MTUS2: variants seen among roughly 807,000 people sequenced by gnomAD.
The protein encoded by MTUS2 is microtubule-associated tumor suppressor candidate 2.
A neutral mutation model predicts 114.1 loss-of-function variants in MTUS2; 40 were observed. That is an observed-to-expected ratio of 0.35 (90% CI 0.27 to 0.46). The LOEUF (loss-of-function observed/expected upper bound fraction) is 0.46. Among genes scored for constraint, MTUS2 ranks in the 20% least tolerant of loss-of-function variants. The pLI, the probability that MTUS2 is intolerant of heterozygous loss-of-function variation, is 1.00. For synonymous variants in MTUS2, 688 were observed against 672.0 expected (o/e 1.02, Z -0.37); for missense variants, 1,679 against 1,705.4 (o/e 0.98, Z 0.27).
intron 6 of MTUS2, among the ~76,000 whole-genome samples, chr13:29,290,852 C>A (rs1898681753): frequency 6.6e-6 from 1 of 152,186 alleles, no homozygotes; most frequent in African/African-American, 2.4e-5. Flanking sequence ...TACTCATCCC[C>A]AAATCCTTAG....
At chr13:29,262,236 C>A (rs1897500947) in intron 5 of MTUS2, among the ~76,000 whole-genome samples, 2 of 152,208 alleles carry the variant, frequency 1.3e-5, no homozygotes, top group South Asian at 4.1e-4. Flanking sequence ...CACAGGGAAA[C>A]TGAATCATAG....
chr13:28,870,429 A>G (rs1389857543), intron 2 of MTUS2, among the ~76,000 whole-genome samples: 2 of 152,132 alleles, frequency 1.3e-5, no homozygotes, highest in African/African-American at 4.8e-5. Context: ...AAGGAGACCC[A>G]TTGGAGTGGG....
chr13:29,461,205 AG>A (rs1208983500), intron 9 of MTUS2, among the ~76,000 whole-genome samples: 1 of 151,878 alleles, frequency 6.6e-6, no homozygotes, highest in Non-Finnish European at 1.5e-5. Context: ...AGAGAAGGGA[AG>A]GGGGGGTGAA....
chr13:29,366,615 G>A (rs1870737139), intron 8 of MTUS2, among the ~76,000 whole-genome samples: 1 of 152,148 alleles, frequency 6.6e-6, no homozygotes. Context: ...AGCATACCTG[G>A]TATGGGACCA....
At chr13:29,427,586 C>T (rs1372766547) in intron 8 of MTUS2, among the ~76,000 whole-genome samples, 3 of 152,170 alleles carry the variant, frequency 2.0e-5, no homozygotes, top group Non-Finnish European at 1.5e-5. Context: ...AGAAAGGTTT[C>T]CGTTTATTCT....
intron 5 of MTUS2, among the ~76,000 whole-genome samples, chr13:29,107,059 T>A (rs1452983902): frequency 6.6e-6 from 1 of 152,140 alleles, no homozygotes; most frequent in Non-Finnish European, 1.5e-5. Context: ...CCCCCGGCCT[T>A]CTATCCCTAC....
chr13:28,846,957 CA>C (rs1179755704), intron 2 of MTUS2, among the ~76,000 whole-genome samples: 8 of 152,162 alleles, frequency 5.3e-5, no homozygotes, highest in Non-Finnish European at 5.9e-5. Flanking sequence ...TATTATTTGG[CA>C]AAGTGTCTTA....
intron 2 of MTUS2, among the ~76,000 whole-genome samples, chr13:28,979,372 C>A (rs1308270037): frequency 2.0e-5 from 3 of 152,122 alleles, no homozygotes; most frequent in African/African-American, 7.2e-5. Context: ...TGAAAATTAA[C>A]AATGCCTTTT....
chr13:29,313,380 A>G (rs1490694042), intron 6 of MTUS2, among the ~76,000 whole-genome samples: 1 of 152,220 alleles, frequency 6.6e-6, no homozygotes, highest in Non-Finnish European at 1.5e-5. Context: ...TGGCTTGGGC[A>G]AAAAAGCACA....
intron 5 of MTUS2, among the ~76,000 whole-genome samples, chr13:29,245,489 CAG>C (rs1450963430): frequency 6.6e-6 from 1 of 152,176 alleles, no homozygotes; most frequent in Non-Finnish European, 1.5e-5. Context: ...CACTGGATAA[CAG>C]GGACCTTCAG....
chr13:29,039,512 G>A (rs1166387703), intron 4 of MTUS2, among the ~76,000 whole-genome samples: 1 of 152,214 alleles, frequency 6.6e-6, no homozygotes, highest in Non-Finnish European at 1.5e-5. Flanking sequence ...CTGGGGGACC[G>A]GGGAAGCTCA....
At chr13:29,293,760 T>A (rs1306428466) in intron 6 of MTUS2, among the ~76,000 whole-genome samples, 7 of 152,024 alleles carry the variant, frequency 4.6e-5, no homozygotes, top group Non-Finnish European at 1.0e-4. Flanking sequence ...TATTAAAAAA[T>A]GAGATAGATC....
At chr13:28,980,613 C>T (rs1470747878) in intron 2 of MTUS2, among the ~76,000 whole-genome samples, 1 of 152,156 alleles carries the variant, frequency 6.6e-6, no homozygotes, top group African/African-American at 2.4e-5. Flanking sequence ...GGGATGGCTA[C>T]TTGGATTGTT....
At chr13:29,103,897 A>C (rs1228607097) in intron 5 of MTUS2, among the ~76,000 whole-genome samples, 5 of 152,180 alleles carry the variant, frequency 3.3e-5, no homozygotes, top group African/African-American at 4.8e-5. Context: ...CTATATTGGG[A>C]CACTTTTAAG....
intron 2 of MTUS2, among the ~76,000 whole-genome samples, chr13:28,854,109 A>T (rs1027954550): frequency 6.6e-6 from 1 of 152,190 alleles, no homozygotes; most frequent in Non-Finnish European, 1.5e-5. Flanking sequence ...CAAATGAGGC[A>T]TCAGCTGGGA....
chr13:28,975,462 C>T (rs982667485), intron 2 of MTUS2, among the ~76,000 whole-genome samples: 2 of 150,838 alleles, frequency 1.3e-5, no homozygotes, highest in Non-Finnish European at 3.0e-5. Flanking sequence ...TTTCCAATCT[C>T]GCCTGCGGCA....
intron 5 of MTUS2, among the ~76,000 whole-genome samples, chr13:29,109,186 A>C (rs1890786375): frequency 6.6e-6 from 1 of 152,222 alleles, no homozygotes; most frequent in Non-Finnish European, 1.5e-5. Flanking sequence ...CAGACAAATA[A>C]AGATTGTGTA....
At chr13:29,046,230 A>G (rs1250668252) in intron 4 of MTUS2, among the ~76,000 whole-genome samples, 2 of 151,452 alleles carry the variant, frequency 1.3e-5, no homozygotes, top group East Asian at 3.9e-4. Flanking sequence ...CTCTCACCTC[A>G]GCCTTCCAAG....
chr13:29,209,330 A>C (rs544029897), intron 5 of MTUS2, among the ~76,000 whole-genome samples: 17 of 152,262 alleles, frequency 1.1e-4, no homozygotes, highest in African/African-American at 3.8e-4. Flanking sequence ...TTGTTTGGTG[A>C]GTCTCTTGAA....
Sources: allele counts gnomAD v4.1 joint callset (sites outside exome capture counted in the v4.1 genomes callset), GRCh38; gene constraint gnomAD v4.1.1; transcripts MANE v1.5; gene names NCBI Gene and HGNC (gene_info 2026-07-23, HGNC 2026-07-21).